NEDD4: variants seen among roughly 807,000 people sequenced by gnomAD.
The protein encoded by NEDD4 is NEDD4 E3 ubiquitin protein ligase.
NEDD4 carries 99 observed loss-of-function variants against 144.9 expected under a neutral mutation model. The observed-to-expected ratio is 0.68, with a 90% confidence interval of 0.58 to 0.81. The LOEUF (loss-of-function observed/expected upper bound fraction) is 0.81, where lower values mean the gene tolerates loss of function less well. NEDD4 is among the 30% of genes least tolerant of loss of function. NEDD4 has a pLI of 0.00. For missense variants in NEDD4, 985 were observed against 1,065.9 expected (o/e 0.92, Z 1.06); for synonymous variants, 318 against 350.6 (o/e 0.91, Z 1.04).
intron 5 of NEDD4, among the ~76,000 whole-genome samples, chr15:55,890,031 A>G (rs1480084423): frequency 6.6e-6 from 1 of 152,096 alleles, no homozygotes; most frequent in Admixed American, 6.6e-5. Context: ...TAACTAAAAG[A>G]GCATAATTCT....
intron 6 of NEDD4, among the ~76,000 whole-genome samples, chr15:55,873,059 G>A (rs577583013): frequency 2.0e-5 from 3 of 152,098 alleles, no homozygotes; most frequent in Admixed American, 2.0e-4. Context: ...CTGATGTTCT[G>A]CATTGTTAAC....
At chr15:55,981,004 C>CA (rs112215956) in intron 1 of NEDD4, among the ~76,000 whole-genome samples, 7 of 145,286 alleles carry the variant, frequency 4.8e-5, no homozygotes, top group Middle Eastern at 3.7e-3. Flanking sequence ...AAATATTCAA[C>CA]AAAAAAAAAT....
intron 26 of NEDD4, among the ~76,000 whole-genome samples, chr15:55,833,727 C>A (rs1372849978): frequency 1.3e-5 from 2 of 152,044 alleles, no homozygotes; most frequent in Non-Finnish European, 2.9e-5. Flanking sequence ...TTTAAAAGAG[C>A]CACCCAGGAG....
At chr15:55,904,436 G>A (rs2036019159) in intron 5 of NEDD4, among the ~76,000 whole-genome samples, 1 of 151,996 alleles carries the variant, frequency 6.6e-6, no homozygotes, top group Non-Finnish European at 1.5e-5. Context: ...CTGAGTAGCT[G>A]GGATTACAGG....
At chr15:55,974,591 T>C (rs12595728) in intron 1 of NEDD4, among the ~76,000 whole-genome samples, 46,535 of 151,922 alleles carry the variant, frequency 0.31, 7,262 homozygotes, top group South Asian at 0.38. Context: ...GGGATTCATA[T>C]CAGGGATGAA....
chr15:55,940,064 G>A (rs1197682949), intron 4 of NEDD4, among the ~76,000 whole-genome samples: 1 of 152,064 alleles, frequency 6.6e-6, no homozygotes, highest in African/African-American at 2.4e-5. Context: ...CCAACAAAAT[G>A]GATGAACCTT....
At chr15:55,952,986 C>CTTTT (rs34335685) in intron 2 of NEDD4, among the ~76,000 whole-genome samples, 2 of 147,920 alleles carry the variant, frequency 1.4e-5, no homozygotes, top group Non-Finnish European at 1.5e-5. Flanking sequence ...TGTATTAATT[C>CTTTT]TTTTTTTTTT....
intron 5 of NEDD4, among the ~76,000 whole-genome samples, chr15:55,881,104 T>C (rs1160944728): frequency 6.6e-6 from 1 of 152,002 alleles, no homozygotes; most frequent in Non-Finnish European, 1.5e-5. Context: ...CTTTTAATGA[T>C]GTTTTCAAGG....
At chr15:55,950,750 G>C (rs750615384) in intron 4 of NEDD4, among the ~76,000 whole-genome samples, 3 of 152,144 alleles carry the variant, frequency 2.0e-5, no homozygotes, top group Non-Finnish European at 2.9e-5. Flanking sequence ...AGCTAAAGGG[G>C]AATATGGGGT....
At chr15:55,948,802 T>C (rs1449934203) in intron 4 of NEDD4, among the ~76,000 whole-genome samples, 4 of 152,144 alleles carry the variant, frequency 2.6e-5, no homozygotes, top group African/African-American at 9.7e-5. Context: ...CAAAAATTAA[T>C]TCAAGATGGA....
intron 12 of NEDD4, among the ~76,000 whole-genome samples, chr15:55,854,948 G>A (rs1278354880): frequency 2.0e-5 from 3 of 152,158 alleles, no homozygotes; most frequent in African/African-American, 7.2e-5. Flanking sequence ...ATTGTATAGA[G>A]GACATTATAA....
intron 1 of NEDD4, among the ~76,000 whole-genome samples, chr15:55,982,583 C>T (rs924456748): frequency 1.4e-4 from 22 of 152,144 alleles, no homozygotes; most frequent in African/African-American, 4.3e-4. Flanking sequence ...AGAGAGTAGA[C>T]GGGCAGAATT....
At chr15:55,949,245 A>T (rs1239697951) in intron 4 of NEDD4, among the ~76,000 whole-genome samples, 1 of 152,200 alleles carries the variant, frequency 6.6e-6, no homozygotes, top group African/African-American at 2.4e-5. Context: ...TCAAAACCAC[A>T]ATGAGATACC....
rs2037652012 is a variant in NEDD4 at position 55,973,664 on chromosome 15, T to C, written c.46-7118A>G. On this transcript the variant is annotated intron_variant, in intron 1 of 28. Transcript: ENST00000435532. ...ACAAACAAATGGAAATTAAACAGTA[T>C]GCTCCTGAATGATTGGCAGATCAAT... 2.0e-5 allele frequency among the ~76,000 whole-genome samples: 3 copies of C among 152,116 alleles called. No individual in the cohort carries two copies. In the South Asian group the frequency reaches 6.2e-4, roughly 31 times the overall value.
intron 4 of NEDD4, among the ~76,000 whole-genome samples, chr15:55,951,123 C>T (rs1310914110): frequency 4.6e-5 from 7 of 152,106 alleles, no homozygotes; most frequent in Admixed American, 3.3e-4. Context: ...ACTGAATCTG[C>T]TCAACTGGAG....
intron 4 of NEDD4, among the ~76,000 whole-genome samples, chr15:55,941,576 T>G (rs537073703): frequency 6.6e-6 from 1 of 151,888 alleles, no homozygotes; most frequent in East Asian, 1.9e-4. Context: ...TCTTTTTTTT[T>G]TTTTTTGAGA....
rs1020178691 is a variant in NEDD4, at chr15:55,827,129, T to C, written c.*2768A>G. 6.6e-6 allele frequency: 1 copy of C among 152,220 alleles called. No individual in the cohort carries two copies. The highest frequency in any genetic ancestry group is 2.4e-5 in the African/African-American group (1 of 41,450). The allele number at this position is 152,220 out of a possible 1,614,324, so 9.4% of individuals were successfully genotyped here. On this transcript the variant is annotated 3_prime_UTR_variant, in exon 29 of 29. Coordinates refer to ENST00000435532, the MANE Select transcript of NEDD4 (RefSeq NM_006154.4). The stretch of plus-strand genomic sequence containing the variant: ...CTTATATGGAATAACTTCAGCATTA[T>C]AAATAAAAACCCAAAACAAACACCA...
At chr15:55,888,524 C>G (rs1369479970) in intron 5 of NEDD4, among the ~76,000 whole-genome samples, 2 of 152,140 alleles carry the variant, frequency 1.3e-5, no homozygotes, top group South Asian at 4.1e-4. Context: ...AATGCCCATA[C>G]TACCCAAAGC....
chr15:55,905,736 T>A (rs1163682213), intron 5 of NEDD4, among the ~76,000 whole-genome samples: 1 of 152,242 alleles, frequency 6.6e-6, no homozygotes, highest in Non-Finnish European at 1.5e-5. Context: ...TTTTTTCTTG[T>A]AAATTTGTTT....
Sources: gnomAD v4.1 joint callset for allele counts (sites outside exome capture counted in the v4.1 genomes callset) on GRCh38, gnomAD v4.1.1 for gene constraint, MANE v1.5 for transcripts, NCBI Gene and HGNC (gene_info 2026-07-23, HGNC 2026-07-21) for gene names.